Variants in VAV3 observed in about 807,000 individuals in gnomAD.
VAV3 encodes the protein guanine nucleotide exchange factor VAV3.
In VAV3, 94 loss-of-function variants were observed where a neutral mutation model predicts 131.2. The ratio of observed to expected loss-of-function variants is 0.72; its 90% CI spans 0.61 to 0.85. VAV3 has a LOEUF of 0.85. Ranked by LOEUF, VAV3 falls within the 40% of genes least tolerant of loss-of-function variation. The pLI is 0.00. For missense variants in VAV3, 939 were observed against 1,002.7 expected (o/e 0.94, Z 0.86); for synonymous variants, 349 against 342.0 (o/e 1.02, Z -0.22).
chr1:107,762,893 C>T (rs1467105517), intron 9 of VAV3, among the ~76,000 whole-genome samples: 1 of 152,130 alleles, frequency 6.6e-6, no homozygotes, highest in African/African-American at 2.4e-5. Flanking sequence ...CTTGCTTAGC[C>T]TCAATTCAAT....
intron 1 of VAV3, among the ~76,000 whole-genome samples, chr1:107,880,661 T>A (rs879376455): frequency 1.3e-5 from 2 of 152,020 alleles, no homozygotes; most frequent in Non-Finnish European, 2.9e-5. Flanking sequence ...CTGGCTGTGG[T>A]GGCACACACC....
chr1:107,954,480 T>C (rs1241751722), intron 1 of VAV3, among the ~76,000 whole-genome samples: 1 of 152,094 alleles, frequency 6.6e-6, no homozygotes, highest in Non-Finnish European at 1.5e-5. Flanking sequence ...CATTTTATAC[T>C]GAATAGTGTG....
intron 2 of VAV3, among the ~76,000 whole-genome samples, chr1:107,851,373 T>C (rs7517496): frequency 0.22 from 30,607 of 139,392 alleles, 3,569 homozygotes; most frequent in Middle Eastern, 0.32. Context: ...ACACCCAGCA[T>C]ACTTGAACTA....
intron 1 of VAV3, among the ~76,000 whole-genome samples, chr1:107,955,380 A>G (rs999395936): frequency 6.6e-6 from 1 of 152,004 alleles, no homozygotes; most frequent in Admixed American, 6.6e-5. Flanking sequence ...CATCCCATTG[A>G]TGAATTTAAT....
chr1:107,909,085 T>A (rs1224505825), intron 1 of VAV3, among the ~76,000 whole-genome samples: 1 of 152,338 alleles, frequency 6.6e-6, no homozygotes, highest in East Asian at 1.9e-4. Flanking sequence ...ATTTATTTGC[T>A]ATCTAAAAAT....
intron 19 of VAV3, among the ~76,000 whole-genome samples, chr1:107,653,583 C>A (rs530856037): frequency 1.3e-5 from 2 of 152,094 alleles, no homozygotes; most frequent in East Asian, 3.9e-4. Context: ...TCCTCCTTAA[C>A]CTTTTTCTGA....
At chr1:107,912,633 AAAT>A (rs1462563730) in intron 1 of VAV3, among the ~76,000 whole-genome samples, 4 of 152,166 alleles carry the variant, frequency 2.6e-5, no homozygotes, top group African/African-American at 9.7e-5. Context: ...CTCACTTCAC[AAAT>A]ATTAAGCACC....
At chr1:107,692,423 T>C (rs1377712045) in intron 17 of VAV3, among the ~76,000 whole-genome samples, 3 of 152,150 alleles carry the variant, frequency 2.0e-5, no homozygotes, top group Non-Finnish European at 4.4e-5. Context: ...GAATAATAAC[T>C]ACTCAAGTAT....
chr1:107,620,469 G>A (rs959496875), intron 20 of VAV3, among the ~76,000 whole-genome samples: 47 of 152,094 alleles, frequency 3.1e-4, no homozygotes, highest in Admixed American at 6.6e-5. Flanking sequence ...GGCAGCAAGA[G>A]GCTATACACG....
intron 15 of VAV3, among the ~76,000 whole-genome samples, chr1:107,730,627 A>G (rs1570846678): frequency 6.6e-6 from 1 of 152,340 alleles, no homozygotes; most frequent in South Asian, 2.1e-4. Flanking sequence ...AGCAAAAATT[A>G]TCCTTACAGA....
At chr1:107,635,535 G>T (rs543888151) in intron 20 of VAV3, among the ~76,000 whole-genome samples, 1 of 151,736 alleles carries the variant, frequency 6.6e-6, no homozygotes, top group South Asian at 2.1e-4. Context: ...AGAAGTTAAT[G>T]GGTGCAGCAC....
chr1:107,777,367 A>C, intron 3 of VAV3, 71 bp from the exon 4 acceptor site: 2 of 1,368,054 alleles, frequency 1.5e-6, no homozygotes, highest in Non-Finnish European at 2.1e-6. Context: ...CAGGCTGCGC[A>C]CTTAACCCTC....
At chr1:107,865,649 A>G (rs954879438) in intron 2 of VAV3, among the ~76,000 whole-genome samples, 21 of 152,134 alleles carry the variant, frequency 1.4e-4, no homozygotes, top group African/African-American at 4.6e-4. Context: ...AAGAGTTTAG[A>G]TGTTATTCTC....
At chr1:107,815,392 G>A (rs545574632) in intron 2 of VAV3, among the ~76,000 whole-genome samples, 1 of 152,286 alleles carries the variant, frequency 6.6e-6, no homozygotes, top group East Asian at 1.9e-4. Context: ...CCAGAGTGGA[G>A]GCTGAAGTAC....
At chr1:107,884,749 C>CA (rs999224266) in intron 1 of VAV3, among the ~76,000 whole-genome samples, 15 of 149,334 alleles carry the variant, frequency 1.0e-4, no homozygotes, top group Middle Eastern at 3.4e-3. Flanking sequence ...ATGCCTGGCC[C>CA]AAAAAAAAAT....
At chr1:107,943,634 C>T (rs763590492) in intron 1 of VAV3, among the ~76,000 whole-genome samples, 6 of 152,084 alleles carry the variant, frequency 3.9e-5, no homozygotes, top group Non-Finnish European at 8.8e-5. Flanking sequence ...CCCAGCTACT[C>T]GAGAGGCTGA....
chr1:107,878,955 T>G (rs754318758), intron 1 of VAV3, among the ~76,000 whole-genome samples: 1 of 152,176 alleles, frequency 6.6e-6, no homozygotes, highest in Admixed American at 6.6e-5. Context: ...GCTAGTATTC[T>G]TTTGTCAAAA....
intron 25 of VAV3, among the ~76,000 whole-genome samples, chr1:107,587,509 A>C (rs775799053): frequency 6.6e-6 from 1 of 152,216 alleles, no homozygotes; most frequent in African/African-American, 2.4e-5. Flanking sequence ...CAGGGCTGTT[A>C]TATGAAAGCA....
intron 2 of VAV3, among the ~76,000 whole-genome samples, chr1:107,869,750 G>A (rs1054110875): frequency 6.6e-5 from 10 of 152,128 alleles, no homozygotes; most frequent in Admixed American, 2.6e-4. Context: ...CCAATCACCC[G>A]AGCAGTATAC....
Sources: allele counts gnomAD v4.1 joint callset (sites outside exome capture counted in the v4.1 genomes callset), GRCh38; gene constraint gnomAD v4.1.1; transcripts MANE v1.5; gene names NCBI Gene and HGNC (gene_info 2026-07-23, HGNC 2026-07-21).